The following AXIN1 variants were observed in gnomAD, a reference collection of about 807,000 sequenced individuals.
AXIN1 encodes the protein axin-1.
In AXIN1, 30 loss-of-function variants were observed where a neutral mutation model predicts 76.4. The observed-to-expected ratio is 0.39, with a 90% confidence interval of 0.29 to 0.53. The LOEUF is 0.53. Ranked by LOEUF, AXIN1 falls within the 20% of genes least tolerant of loss-of-function variation. The pLI, the probability that AXIN1 is intolerant of heterozygous loss-of-function variation, is 0.66. For missense variants in AXIN1, 1,140 were observed against 1,198.8 expected, an observed-to-expected ratio of 0.95 and a Z score of 0.72; for synonymous variants, 545 against 501.4, an observed-to-expected ratio of 1.09 and a Z score of -1.16.
rs2141708559 is a variant in AXIN1 at position 346,896 on chromosome 16, A to T, written c.130T>A (p.Phe44Ile). The change falls in exon 2 of 11, where the codon TTC (phenylalanine) becomes ATC (isoleucine). Residue 44 changes from phenylalanine (F) to isoleucine (I), a missense_variant. This residue lies in a region of AXIN1 where 708 missense variants were observed against 776.9 expected (regional missense o/e 0.91). Coordinates refer to ENST00000262320, the MANE Select transcript of AXIN1 (RefSeq NM_003502.4). The part of the protein sequence containing the change: ...STDPRPASYS[F>I]CSGKGVGIKG... ...ATGCCAACACCTTTCCCGGAGCAGA[A>T]ACTGTAGCTGGCGGGCCTCGGGTCT... The T allele has an allele frequency of 1.2e-6, 2 of 1,613,834 alleles. No homozygotes were observed. Among genetic ancestry groups the T allele is most frequent in the Non-Finnish European group, 8.5e-7 (1 of 1,179,668 alleles).
intron 5 of AXIN1, among the ~76,000 whole-genome samples, chr16:299,543 C>T (rs1022078176): frequency 7.2e-5 from 11 of 151,878 alleles, no homozygotes; most frequent in African/African-American, 2.2e-4. Flanking sequence ...TTAGTAGAGA[C>T]GGGGTTTCAC....
At chr16:289,716 G>GCTGCTC in intron 9 of AXIN1, 109 bp from the exon 10 acceptor site, 13 of 1,410,740 alleles carry the variant, frequency 9.2e-6, no homozygotes, top group Non-Finnish European at 1.2e-5. Flanking sequence ...CTGCAGGGGT[G>GCTGCTC]AGCAGCACCC....
intron 2 of AXIN1, among the ~76,000 whole-genome samples, chr16:335,531 A>G (rs1423239266): frequency 6.6e-6 from 1 of 151,212 alleles, no homozygotes; most frequent in African/African-American, 2.4e-5. Context: ...ACCACGGCAC[A>G]CCAATAACAT....
intron 2 of AXIN1, among the ~76,000 whole-genome samples, chr16:335,789 T>C (rs1439627108): frequency 1.3e-5 from 2 of 152,212 alleles, no homozygotes; most frequent in Middle Eastern, 3.2e-3. Flanking sequence ...AAAAAATACT[T>C]TATCCAAGAG....
At chr16:288,808 C>T (rs2141463982) in intron 10 of AXIN1, among the ~76,000 whole-genome samples, 1 of 152,332 alleles carries the variant, frequency 6.6e-6, no homozygotes, top group South Asian at 2.1e-4. Context: ...TAGGAGGGGG[C>T]TTGGCTTTTC....
At chr16:336,356 CA>C (rs2053802732) in intron 2 of AXIN1, among the ~76,000 whole-genome samples, 2 of 152,302 alleles carry the variant, frequency 1.3e-5, no homozygotes, top group South Asian at 4.1e-4. Context: ...CCAGTGGACA[CA>C]AGATAGCAGT....
rs375933952 is a variant in AXIN1, at chr16:332,405, A to G, written c.878+13743T>C. Among the ~76,000 whole-genome samples, 566 of 152,028 alleles carry G rather than the reference A, an allele frequency of 3.7e-3. 8 individuals are homozygous for G. Among genetic ancestry groups the G allele is most frequent in the African/African-American group, 0.013 (541 of 41,456 alleles). ...ATCCTGGCTAACACAGTGAAACCCC[A>G]TCTCTACTAAAAATACAAAAAATTA... On this transcript the variant is annotated intron_variant, in intron 2 of 10. Transcript: ENST00000262320.
At chr16:307,872 G>A (rs1037855621) in intron 4 of AXIN1, among the ~76,000 whole-genome samples, 19 of 152,166 alleles carry the variant, frequency 1.2e-4, no homozygotes, top group Non-Finnish European at 2.2e-4. Context: ...CACCATCCTC[G>A]GGTCCAGTTT....
chr16:322,918 T>C (rs2053490340), intron 2 of AXIN1, among the ~76,000 whole-genome samples: 2 of 152,198 alleles, frequency 1.3e-5, no homozygotes, highest in African/African-American at 4.8e-5. Flanking sequence ...TCTGCAGTCA[T>C]GTCCAGGGAA....
rs2052441220 is a variant in AXIN1 at position 288,232 on chromosome 16, C to G, written c.2479G>C (p.Val827Leu). ...ACCCCACAGTCAAACTCGTCGCTCACTTTCTTGAAGTAGTATCTGCAGGAC... is the reference window on the plus strand; with the variant it reads ...ACCCCACAGTCAAACTCGTCGCTCAGTTTCTTGAAGTAGTATCTGCAGGAC... ...KGSYRYYFKK[V>L]SDEFDCGVVF... The change falls in exon 11 of 11, where the codon GTG becomes CTG. Residue 827 changes from valine (V) to leucine (L), a missense_variant. By Grantham distance (32) the Val-to-Leu change is conservative. Coordinates refer to ENST00000262320, the MANE Select transcript of AXIN1 (RefSeq NM_003502.4). The G allele has an allele frequency of 1.2e-6, 2 of 1,613,656 alleles. No individual in the cohort carries two copies. The highest frequency in any genetic ancestry group is 1.7e-6 in the Non-Finnish European group (2 of 1,180,012).
Position 309,520 on chromosome 16 carries a change from C to G in AXIN1, c.1116+453G>C, listed in dbSNP as rs112941711. 1.8e-3 allele frequency among the ~76,000 whole-genome samples: 281 copies of G among 152,324 alleles called. 2 individuals carry two copies. Among genetic ancestry groups the G allele is most frequent in the African/African-American group, 6.2e-3 (258 of 41,568 alleles). Reference sequence around the variant, plus strand: ...GCAAAGGTGCCATTATTCTATGCAACAGCGAAAGCCAAGGCAGCTTTAAAG... The same window carrying G: ...GCAAAGGTGCCATTATTCTATGCAAGAGCGAAAGCCAAGGCAGCTTTAAAG... On this transcript the variant is annotated intron_variant, in intron 4 of 10. Transcript: ENST00000262320.
Position 322,372 on chromosome 16 carries a change from C to T in AXIN1, c.879-7689G>A, listed in dbSNP as rs546191187. ...GTATGTCTCCCCTCAACCCATCACC[C>T]TGTACCTGCCCGCAGTGGAGTGTGC... On this transcript the variant is annotated intron_variant, in intron 2 of 10. Coordinates refer to ENST00000262320, the MANE Select transcript of AXIN1 (RefSeq NM_003502.4). 2.6e-5 allele frequency among the ~76,000 whole-genome samples: 4 copies of T among 152,350 alleles called. No individual in the cohort carries two copies. In the East Asian group the frequency reaches 7.7e-4, roughly 29 times the overall value.
intron 2 of AXIN1, among the ~76,000 whole-genome samples, chr16:326,394 T>TATATATATCTATATATACACAC: frequency 8.4e-6 from 1 of 119,678 alleles, no homozygotes; most frequent in African/African-American, 3.5e-5. Flanking sequence ...TATATATATA[T>TATATATATCTATATATACACAC]ACACACCTAT....
chr16:341,416 T>G (rs2053917729), intron 2 of AXIN1, among the ~76,000 whole-genome samples: 1 of 152,228 alleles, frequency 6.6e-6, no homozygotes, highest in African/African-American at 2.4e-5. Context: ...GGCCAGCGGC[T>G]GCGGAGGGTG....
At chr16:302,138 A>G (rs1004636470) in intron 5 of AXIN1, among the ~76,000 whole-genome samples, 1 of 152,228 alleles carries the variant, frequency 6.6e-6, no homozygotes, top group African/African-American at 2.4e-5. Flanking sequence ...CCAGGTCTGC[A>G]AGGCGAGGCC....
In AXIN1 at chr16:288,118, C is replaced by T. The variant is rs2052437197; in HGVS notation, c.*4G>A. The T allele has an allele frequency of 1.9e-6, 3 of 1,613,176 alleles. No individual in the cohort carries two copies. Among genetic ancestry groups the T allele is most frequent in the African/African-American group, 2.7e-5 (2 of 74,938 alleles). On this transcript the variant is annotated 3_prime_UTR_variant, in exon 11 of 11. Coordinates refer to ENST00000262320, the MANE Select transcript of AXIN1 (RefSeq NM_003502.4). The stretch of plus-strand genomic sequence containing the variant: ...CCTGGCACAGCGGCCAGCCCACCAG[C>T]CTATCAGTCCACCTTCTCCACTTTG...
intron 7 of AXIN1, among the ~76,000 whole-genome samples, chr16:296,581 C>T (rs190414115): frequency 6.6e-6 from 1 of 152,332 alleles, no homozygotes; most frequent in Non-Finnish European, 1.5e-5. Flanking sequence ...ACACCACACA[C>T]GAGGCCTCTG....
chr16:326,890 C>T (rs926242301), intron 2 of AXIN1, among the ~76,000 whole-genome samples: 2 of 151,958 alleles, frequency 1.3e-5, no homozygotes, highest in African/African-American at 4.8e-5. Flanking sequence ...CCTGTAATCC[C>T]AACAGTTTGG....
chr16:303,541 C>T (rs921174365), intron 5 of AXIN1, among the ~76,000 whole-genome samples: 4 of 151,942 alleles, frequency 2.6e-5, no homozygotes, highest in Admixed American at 1.3e-4. Flanking sequence ...GACACCAACC[C>T]GGCTAATTTT....
Sources: allele counts gnomAD v4.1 joint callset (sites outside exome capture counted in the v4.1 genomes callset), GRCh38; gene constraint gnomAD v4.1.1; regional missense constraint gnomAD v4.1.1; transcripts MANE v1.5; gene names NCBI Gene and HGNC (gene_info 2026-07-23, HGNC 2026-07-21).